The following RABGAP1L variants were observed in gnomAD, a reference collection of about 807,000 sequenced individuals.
RABGAP1L encodes the protein rab GTPase-activating protein 1-like.
In RABGAP1L, 63 loss-of-function variants were observed where a neutral mutation model predicts 137.7. The observed-to-expected ratio is 0.46, with a 90% CI of 0.37 to 0.56. RABGAP1L has a LOEUF of 0.56. RABGAP1L is among the 20% of genes least tolerant of loss of function. The pLI, the probability that RABGAP1L is intolerant of heterozygous loss-of-function variation, is 0.00. For synonymous variants in RABGAP1L, 431 were observed against 433.7 expected (o/e 0.99, Z 0.08); for missense variants, 1,095 against 1,244.0 (o/e 0.88, Z 1.80).
At chr1:174,350,309 G>A (rs1445018765) in intron 11 of RABGAP1L, among the ~76,000 whole-genome samples, 1 of 102,696 alleles carries the variant, frequency 9.7e-6, no homozygotes, top group African/African-American at 3.7e-5. Flanking sequence ...CAGCTGCCGG[G>A]CGGAGGGGCT....
At position 174,979,037 on chromosome 1, in the gene RABGAP1L, T is replaced by C. The variant is rs933599427; in HGVS notation, c.2733+147T>C. ...CTACAAGGAAAAAAAATTTTTTAGT[T>C]AGCCAGGCACAGTGGCATGTGCCGG... On this transcript the variant is annotated intron_variant, in intron 23 of 25. Coordinates refer to ENST00000681986, the MANE Select transcript of RABGAP1L (RefSeq NM_001366446.1). The C allele has an allele frequency of 2.5e-6, 3 of 1,198,100 alleles. No individual in the cohort carries two copies. The African/African-American group carries it at 4.8e-5, about 19-fold the overall frequency. 74.2% of individuals were successfully genotyped at this position (1,198,100 alleles called of 1,614,324 possible).
chr1:174,238,090 C>T (rs972399932), intron 4 of RABGAP1L, among the ~76,000 whole-genome samples: 11 of 152,110 alleles, frequency 7.2e-5, no homozygotes, highest in African/African-American at 2.2e-4. Context: ...GCATTATTCA[C>T]GTAGTTCTCG....
chr1:174,501,066 G>C (rs1661220888), intron 13 of RABGAP1L, among the ~76,000 whole-genome samples: 1 of 152,128 alleles, frequency 6.6e-6, no homozygotes. Flanking sequence ...AGCATTTCCT[G>C]TTGTAAATGT....
intron 13 of RABGAP1L, among the ~76,000 whole-genome samples, chr1:174,441,045 A>G (rs1398634464): frequency 2.0e-5 from 3 of 150,040 alleles, no homozygotes; most frequent in Non-Finnish European, 4.4e-5. Context: ...ATATAAAAGA[A>G]TAAAAGTATT....
At chr1:174,460,960 A>G (rs140338881) in intron 13 of RABGAP1L, among the ~76,000 whole-genome samples, 1 of 152,180 alleles carries the variant, frequency 6.6e-6, no homozygotes, top group Non-Finnish European at 1.5e-5. Flanking sequence ...GAAGTCTTTA[A>G]GCTCAGATAA....
intron 19 of RABGAP1L, among the ~76,000 whole-genome samples, chr1:174,862,996 G>A (rs1650505284): frequency 6.6e-6 from 1 of 151,704 alleles, no homozygotes; most frequent in African/African-American, 2.4e-5. Flanking sequence ...CTGGATTCAA[G>A]TGATTCTCCT....
At chr1:174,415,602 A>G (rs1650459793) in intron 13 of RABGAP1L, among the ~76,000 whole-genome samples, 3 of 152,020 alleles carry the variant, frequency 2.0e-5, no homozygotes, top group African/African-American at 7.2e-5. Context: ...ATACCTGCAA[A>G]AATGATGTGA....
At chr1:174,945,446 T>C (rs1019618059) in intron 19 of RABGAP1L, 1 of 152,238 alleles carries the variant, frequency 6.6e-6, no homozygotes, top group Non-Finnish European at 1.5e-5. Context: ...CTTGATATTA[T>C]TGCTTCTTAA....
At chr1:174,230,081 G>GTTTTT (rs1486592304) in intron 3 of RABGAP1L, among the ~76,000 whole-genome samples, 1 of 152,106 alleles carries the variant, frequency 6.6e-6, no homozygotes, top group Non-Finnish European at 1.5e-5. Context: ...AAAATGATGA[G>GTTTTT]TTCATGTCCT....
chr1:174,223,973 G>T (rs11802158), intron 3 of RABGAP1L, among the ~76,000 whole-genome samples: 44,670 of 151,990 alleles, frequency 0.29, 6,989 homozygotes, highest in African/African-American at 0.37. Context: ...TAACTATGCA[G>T]TAAATAGTGT....
chr1:174,282,758 A>G (rs1021685686), intron 10 of RABGAP1L, among the ~76,000 whole-genome samples: 10 of 151,892 alleles, frequency 6.6e-5, no homozygotes, highest in Non-Finnish European at 8.8e-5. Flanking sequence ...CCTATTACCT[A>G]TTTTCTGTTA....
intron 6 of RABGAP1L, among the ~76,000 whole-genome samples, chr1:174,251,276 T>C (rs1288406695): frequency 6.6e-6 from 1 of 152,136 alleles, no homozygotes; most frequent in Non-Finnish European, 1.5e-5. Flanking sequence ...TATACCTTTT[T>C]TTTTTCTTTA....
chr1:174,894,429 G>T (rs1656789486), intron 19 of RABGAP1L, among the ~76,000 whole-genome samples: 1 of 152,134 alleles, frequency 6.6e-6, no homozygotes, highest in African/African-American at 2.4e-5. Flanking sequence ...TGAGAAACAA[G>T]GTTTAACTTT....
intron 19 of RABGAP1L, among the ~76,000 whole-genome samples, chr1:174,877,821 T>C (rs1272197639): frequency 6.6e-6 from 1 of 152,202 alleles, no homozygotes; most frequent in East Asian, 1.9e-4. Context: ...AGAGGAATTT[T>C]AGAGTGCCAA....
In RABGAP1L at chr1:174,840,648, C is replaced by CA. The variant is rs1366228611; in HGVS notation, c.2340+28697dup. Among the ~76,000 whole-genome samples the CA allele has an allele frequency of 1.0e-3, 138 of 133,162 alleles. 1 individual carries two copies. The highest frequency in any genetic ancestry group is 2.2e-3 in the Admixed American group (29 of 12,986). 87.4% of individuals were successfully genotyped at this position (133,162 alleles called of 152,430 possible). ...TACTAAAAATACAAAAAAAAAAAAA[C>CA]AAAAAAAAAGAAAAAAATTTAGCTG... On this transcript the variant is annotated intron_variant, in intron 19 of 25. Transcript: ENST00000681986.
intron 14 of RABGAP1L, among the ~76,000 whole-genome samples, chr1:174,662,467 A>G (rs1025086582): frequency 5.3e-5 from 8 of 151,978 alleles, no homozygotes; most frequent in Non-Finnish European, 1.0e-4. Context: ...CCCAGGCTGG[A>G]GTGCAGTGGC....
intron 19 of RABGAP1L, among the ~76,000 whole-genome samples, chr1:174,953,689 C>T (rs1048357596): frequency 6.6e-6 from 1 of 152,198 alleles, no homozygotes; most frequent in Non-Finnish European, 1.5e-5. Flanking sequence ...GTTATGAAAT[C>T]ATTTTAGAGG....
chr1:174,259,832 ACTG>A (rs71117560), intron 7 of RABGAP1L, among the ~76,000 whole-genome samples: 3,084 of 149,614 alleles, frequency 0.021, 45 homozygotes, highest in Middle Eastern at 0.049. Flanking sequence ...TGTTATTATT[ACTG>A]CATTTTTTTT....
chr1:174,726,360 G>A (rs1013139264), intron 17 of RABGAP1L, among the ~76,000 whole-genome samples: 1 of 151,800 alleles, frequency 6.6e-6, no homozygotes, highest in Admixed American at 6.6e-5. Flanking sequence ...TCTCTCCACA[G>A]CCTCCCAAGT....
Sources: allele counts gnomAD v4.1 joint callset (sites outside exome capture counted in the v4.1 genomes callset), GRCh38; gene constraint gnomAD v4.1.1; transcripts MANE v1.5; gene names NCBI Gene and HGNC (gene_info 2026-07-23, HGNC 2026-07-21).